The following UBE2E2 variants were observed in gnomAD, a reference collection of about 807,000 sequenced individuals.
UBE2E2 encodes ubiquitin-conjugating enzyme E2 E2.
UBE2E2 carries 6 observed loss-of-function variants against 24.7 expected under a neutral mutation model. The observed-to-expected ratio is 0.24, with a 90% CI of 0.13 to 0.48. The LOEUF (loss-of-function observed/expected upper bound fraction) is 0.48, where lower values mean the gene tolerates loss of function less well. UBE2E2 is among the 20% of genes least tolerant of loss of function. The pLI, the probability that UBE2E2 is intolerant of heterozygous loss-of-function variation, is 0.99. For synonymous variants in UBE2E2, 104 were observed against 83.6 expected, an observed-to-expected ratio of 1.24 and a Z score of -1.33; for missense variants, 169 against 245.0, an observed-to-expected ratio of 0.69 and a Z score of 2.07.
intron 3 of UBE2E2, among the ~76,000 whole-genome samples, chr3:23,288,543 A>T (rs563700122): frequency 6.6e-6 from 1 of 152,192 alleles, no homozygotes; most frequent in South Asian, 2.1e-4. Flanking sequence ...TTGTATTGGG[A>T]TCTATCTTTC....
chr3:23,400,403 C>G (rs913967720), intron 3 of UBE2E2, among the ~76,000 whole-genome samples: 1 of 152,138 alleles, frequency 6.6e-6, no homozygotes, highest in African/African-American at 2.4e-5. Flanking sequence ...CTCCTGGGCT[C>G]AAGTGATCCT....
chr3:23,526,572 G>A (rs991411909), intron 4 of UBE2E2, among the ~76,000 whole-genome samples: 7 of 152,156 alleles, frequency 4.6e-5, no homozygotes, highest in Admixed American at 2.6e-4. Context: ...AGGTCCTACT[G>A]CAAGTATAGT....
chr3:23,504,014 A>G (rs1270232631), intron 4 of UBE2E2, among the ~76,000 whole-genome samples: 1 of 146,902 alleles, frequency 6.8e-6, no homozygotes, highest in Non-Finnish European at 1.5e-5. Flanking sequence ...AGGGAAAAAA[A>G]TTTGCCTGTA....
At chr3:23,295,229 T>C (rs1227677038) in intron 3 of UBE2E2, among the ~76,000 whole-genome samples, 1 of 152,138 alleles carries the variant, frequency 6.6e-6, no homozygotes, top group African/African-American at 2.4e-5. Context: ...TGAAACTATC[T>C]CCCTTGATTT....
At chr3:23,393,383 TAAG>T (rs1482175279) in intron 3 of UBE2E2, among the ~76,000 whole-genome samples, 1 of 152,164 alleles carries the variant, frequency 6.6e-6, no homozygotes, top group Non-Finnish European at 1.5e-5. Flanking sequence ...AGTTTGCTGA[TAAG>T]AAGTTTAGAG....
chr3:23,557,268 G>A (rs529557102), intron 5 of UBE2E2, among the ~76,000 whole-genome samples: 1 of 152,292 alleles, frequency 6.6e-6, no homozygotes, highest in South Asian at 2.1e-4. Flanking sequence ...CAGGCTCATT[G>A]AATGCTTTCA....
At chr3:23,268,863 C>T (rs898797622) in intron 3 of UBE2E2, among the ~76,000 whole-genome samples, 1 of 152,018 alleles carries the variant, frequency 6.6e-6, no homozygotes. Context: ...AGATATAGAT[C>T]AATGGAACAG....
intron 3 of UBE2E2, among the ~76,000 whole-genome samples, chr3:23,387,773 C>G (rs758558639): frequency 1.3e-5 from 2 of 152,118 alleles, no homozygotes; most frequent in African/African-American, 4.8e-5. Context: ...GGTTTCAGTC[C>G]TTGTTATTCT....
chr3:23,535,864 G>A (rs552519493), intron 5 of UBE2E2, among the ~76,000 whole-genome samples: 4 of 152,034 alleles, frequency 2.6e-5, no homozygotes, highest in South Asian at 2.1e-4. Context: ...CTCGTGATCC[G>A]CCCGCCTCGG....
intron 5 of UBE2E2, among the ~76,000 whole-genome samples, chr3:23,565,378 ACT>A (rs894511792): frequency 2.8e-5 from 4 of 141,972 alleles, no homozygotes; most frequent in Non-Finnish European, 4.5e-5. Context: ...TAATTATTAC[ACT>A]CTCATGAACA....
At chr3:23,216,752 A>G (rs1696487188) in intron 2 of UBE2E2, among the ~76,000 whole-genome samples, 2 of 152,090 alleles carry the variant, frequency 1.3e-5, no homozygotes, top group Admixed American at 1.3e-4. Context: ...TAGCCGATGA[A>G]ATAGTGTTAA....
chr3:23,553,209 A>C (rs1245979077), intron 5 of UBE2E2, among the ~76,000 whole-genome samples: 2 of 152,136 alleles, frequency 1.3e-5, no homozygotes, highest in African/African-American at 2.4e-5. Context: ...AAAATGCTCT[A>C]TATTTCCCTT....
chr3:23,230,792 GA>G (rs750142399), intron 3 of UBE2E2, among the ~76,000 whole-genome samples: 1,847 of 68,558 alleles, frequency 0.027, 16 homozygotes, highest in African/African-American at 0.064. Flanking sequence ...TTCTCAAAAA[GA>G]AAAAAAAAAA....
At chr3:23,289,629 T>C (rs575616889) in intron 3 of UBE2E2, among the ~76,000 whole-genome samples, 1 of 152,348 alleles carries the variant, frequency 6.6e-6, no homozygotes, top group South Asian at 2.1e-4. Flanking sequence ...TCTAGATCCT[T>C]ACTACATTTT....
chr3:23,493,320 A>C (rs948389827), intron 3 of UBE2E2, among the ~76,000 whole-genome samples: 1 of 152,196 alleles, frequency 6.6e-6, no homozygotes, highest in Non-Finnish European at 1.5e-5. Flanking sequence ...TTTTTATTGC[A>C]TGTAATATTT....
chr3:23,224,961 C>CTTT (rs770984995), intron 3 of UBE2E2, among the ~76,000 whole-genome samples: 1 of 134,014 alleles, frequency 7.5e-6, no homozygotes. Flanking sequence ...TGATGTTGTC[C>CTTT]TTTTTTTTTT....
At chr3:23,314,746 C>G (rs1694525324) in intron 3 of UBE2E2, among the ~76,000 whole-genome samples, 1 of 151,862 alleles carries the variant, frequency 6.6e-6, no homozygotes, top group Admixed American at 6.5e-5. Context: ...AGTTTTTTTT[C>G]CTTCAGCACT....
intron 3 of UBE2E2, among the ~76,000 whole-genome samples, chr3:23,497,264 A>G (rs1699621224): frequency 6.6e-6 from 1 of 152,146 alleles, no homozygotes; most frequent in South Asian, 2.1e-4. Context: ...TATGGATCCC[A>G]TGGTGTTATT....
chr3:23,203,743 A>G (rs1696040691), intron 1 of UBE2E2, among the ~76,000 whole-genome samples: 1 of 130,698 alleles, frequency 7.7e-6, no homozygotes, highest in Non-Finnish European at 1.6e-5. Flanking sequence ...TTCCGTTCTC[A>G]GTTCCCCATC....
Sources: allele counts gnomAD v4.1 joint callset (sites outside exome capture counted in the v4.1 genomes callset), GRCh38; gene constraint gnomAD v4.1.1; transcripts MANE v1.5; gene names NCBI Gene and HGNC (gene_info 2026-07-23, HGNC 2026-07-21).